The following ZFHX3 variants were observed in gnomAD, a reference collection of about 807,000 sequenced individuals.
The protein encoded by ZFHX3 is zinc finger homeobox protein 3.
ZFHX3 carries 42 observed loss-of-function variants against 279.1 expected under a neutral mutation model. The ratio of observed to expected loss-of-function variants is 0.15; its 90% CI spans 0.12 to 0.19. ZFHX3 has a LOEUF of 0.19. Ranked by LOEUF, ZFHX3 falls within the 10% of genes least tolerant of loss-of-function variation. ZFHX3 has a pLI of 1.00. For synonymous variants in ZFHX3, 2,293 were observed against 1,957.8 expected (o/e 1.17, Z -4.52); for missense variants, 4,981 against 4,754.0 (o/e 1.05, Z -1.40).
At chr16:73,702,407 T>C (rs1483454600) in intron 1 of ZFHX3, among the ~76,000 whole-genome samples, 3 of 152,160 alleles carry the variant, frequency 2.0e-5, no homozygotes, top group Admixed American at 1.3e-4. Context: ...GTTTCAGAAC[T>C]GTGATGAGTG....
At position 72,798,188 on chromosome 16, in the gene ZFHX3, G is replaced by A; in HGVS notation, c.4494C>T (p.Asp1498=). 1 of 1,614,162 alleles carries A rather than the reference G, an allele frequency of 6.2e-7. No homozygotes were observed. The highest frequency in any genetic ancestry group is 8.5e-7 in the Non-Finnish European group (1 of 1,180,040). The change falls in exon 9 of 10, where the codon GAC becomes GAT. Residue 1498 remains aspartate (D), a synonymous_variant. Transcript: ENST00000268489. The part of the protein sequence containing the change: ...IVEEDKEEES[D]LEDKQSPTGS... ...CCGTTGGGCTCTGTTTATCTTCCAA[G>A]TCACTCTCTTCCTCCTTGTCTTCCT...
In ZFHX3 at chr16:72,787,443, G is replaced by T. The variant is rs754128166; in HGVS notation, c.10833C>A (p.His3611Gln). 1.9e-6 allele frequency: 3 copies of T among 1,604,566 alleles called. No individual in the cohort carries two copies. Among genetic ancestry groups the T allele is most frequent in the Non-Finnish European group, 2.6e-6 (3 of 1,174,114 alleles). The change falls in exon 10 of 10, where the codon CAC becomes CAA. Residue 3611 changes from histidine (H) to glutamine (Q), a missense_variant. By Grantham distance (24) the His-to-Gln change is conservative. This residue lies in a region of ZFHX3 where 1,034 missense variants were observed against 786.0 expected (regional missense o/e 1.32). Coordinates refer to ENST00000268489, the MANE Select transcript of ZFHX3 (RefSeq NM_006885.4). The part of the protein sequence containing the change: ...SAAAPSSASP[H>Q]ASRKSWPQVV... ...CTTGCGGCCAAGACTTCCTGGAGGC[G>T]TGGGGGGAAGCGGAGGAGGGGGCGG...
intron 2 of ZFHX3, among the ~76,000 whole-genome samples, chr16:73,473,339 C>CAAAAAAAAAAAAAAAAAACAAAAAAAAAA (rs2018704451): frequency 1.3e-5 from 1 of 76,658 alleles, no homozygotes; most frequent in Non-Finnish European, 2.3e-5. Flanking sequence ...TGTCTCAAAG[C>CAAAAAAAAAAAAAAAAAACAAAAAAAAAA]AAAAAAAAAA....
Position 73,125,141 on chromosome 16 carries a change from A to G in ZFHX3, c.-897+5827T>C, listed in dbSNP as rs190597177. The G allele has an allele frequency of 4.7e-5, 7 of 150,178 alleles. No homozygotes were observed. The East Asian group carries it at 1.4e-3, about 29-fold the overall frequency. The allele number at this position is 150,178 out of a possible 1,614,324, so 9.3% of individuals were successfully genotyped here. A position where few individuals can be genotyped will look rare whatever the true frequency, so the allele number is the denominator to read the frequency against. On this transcript the variant is annotated intron_variant, in intron 7 of 17. Coordinates refer to the ZFHX3 transcript ENST00000641206. ...GCACCCAGTCACTGTTTGCTGTAAT[A>G]TTATTATATTATCGGAAGAAACCAA...
intron 4 of ZFHX3, among the ~76,000 whole-genome samples, chr16:72,885,258 A>G (rs1013583145): frequency 2.0e-5 from 3 of 152,256 alleles, no homozygotes; most frequent in Non-Finnish European, 4.4e-5. Flanking sequence ...AAGCCTAACT[A>G]TTAGCACACA....
At chr16:73,784,792 A>AT (rs1317955251) in intron 1 of ZFHX3, among the ~76,000 whole-genome samples, 30 of 115,582 alleles carry the variant, frequency 2.6e-4, no homozygotes, top group East Asian at 8.7e-4. Flanking sequence ...AAAATAAAAA[A>AT]AAAAATATAT....
intron 3 of ZFHX3, among the ~76,000 whole-genome samples, chr16:73,374,590 A>C (rs2016689987): frequency 6.6e-6 from 1 of 152,258 alleles, no homozygotes; most frequent in South Asian, 2.1e-4. Context: ...GGCAATATTC[A>C]AATTTCTCTG....
intron 1 of ZFHX3, among the ~76,000 whole-genome samples, chr16:73,891,485 G>A (rs1465532869): frequency 6.6e-6 from 1 of 152,080 alleles, no homozygotes; most frequent in Non-Finnish European, 1.5e-5. Context: ...AACAGCTACT[G>A]AGAAGGAAGG....
At chr16:73,547,544 G>T (rs114762125) in intron 2 of ZFHX3, among the ~76,000 whole-genome samples, 228 of 152,242 alleles carry the variant, frequency 1.5e-3, no homozygotes, top group African/African-American at 5.2e-3. Flanking sequence ...CTAGAACTAG[G>T]TTTCAACCAT....
intron 9 of ZFHX3, among the ~76,000 whole-genome samples, chr16:72,792,156 A>G (rs577536273): frequency 9.2e-5 from 14 of 152,306 alleles, no homozygotes; most frequent in South Asian, 6.2e-4. Context: ...AAGGAGAAAC[A>G]AGAGAAGTAT....
chr16:73,245,221 A>C (rs1197811064), intron 5 of ZFHX3, among the ~76,000 whole-genome samples: 1 of 152,196 alleles, frequency 6.6e-6, no homozygotes, highest in African/African-American at 2.4e-5. Context: ...AAGCTCCTTG[A>C]GGAAAGGAAC....
intron 3 of ZFHX3, among the ~76,000 whole-genome samples, chr16:72,928,414 A>G (rs1959606876): frequency 6.6e-6 from 1 of 151,838 alleles, no homozygotes; most frequent in South Asian, 2.1e-4. Context: ...ATTTGAATAC[A>G]TGCAAAAGCG....
At chr16:73,844,814 G>A (rs1301053890) in intron 1 of ZFHX3, among the ~76,000 whole-genome samples, 1 of 151,602 alleles carries the variant, frequency 6.6e-6, no homozygotes, top group Non-Finnish European at 1.5e-5. Context: ...AGATCAATGG[G>A]TAGACAGATG....
At chr16:73,176,505 A>G (rs1461386770) in intron 5 of ZFHX3, among the ~76,000 whole-genome samples, 3 of 152,138 alleles carry the variant, frequency 2.0e-5, no homozygotes, top group Non-Finnish European at 4.4e-5. Flanking sequence ...ACCTGTCCTC[A>G]TGCATCTCTC....
At chr16:73,630,374 T>A (rs1179326265) in intron 2 of ZFHX3, among the ~76,000 whole-genome samples, 3 of 152,244 alleles carry the variant, frequency 2.0e-5, no homozygotes, top group Non-Finnish European at 4.4e-5. Flanking sequence ...TGTACATTGC[T>A]TTTCTAGAGC....
chr16:73,452,172 T>C (rs1310251376), intron 3 of ZFHX3, among the ~76,000 whole-genome samples: 2 of 152,232 alleles, frequency 1.3e-5, no homozygotes, highest in East Asian at 3.8e-4. Flanking sequence ...AGAATTAATG[T>C]GTCTGATTGA....
chr16:72,958,947 A>G lies in ZFHX3; in HGVS notation c.1199T>C (p.Leu400Pro). 1.3e-6 allele frequency: 2 copies of G among 1,598,868 alleles called. No homozygotes were observed. The highest frequency in any genetic ancestry group is 3.4e-4 in the Middle Eastern group (2 of 5,958). ...GCTGGTGAGCCCGCCAAGGTTCAAC[A>G]GGGTGCTGGGGGTCAAGAGACCAGC... ...PQAGLLTPST[L>P]LNLGGLTSSV... Residue 400 changes from leucine (L) to proline (P), a missense_variant, in exon 2 of 10, where the codon CTG becomes CCG. Physicochemically the swap from Leu to Pro is moderately conservative, Grantham distance 98. Coordinates refer to ENST00000268489, the MANE Select transcript of ZFHX3 (RefSeq NM_006885.4).
chr16:72,909,871 G>T (rs897003163), intron 3 of ZFHX3, among the ~76,000 whole-genome samples: 3 of 100,274 alleles, frequency 3.0e-5, no homozygotes, highest in African/African-American at 1.4e-4. Context: ...AAGTGACACC[G>T]TGTCTCAAAA....
At chr16:73,605,874 C>T (rs766957023) in intron 2 of ZFHX3, among the ~76,000 whole-genome samples, 1 of 151,882 alleles carries the variant, frequency 6.6e-6, no homozygotes, top group Non-Finnish European at 1.5e-5. Context: ...GTTTTTTCTT[C>T]ACAGGGCCAT....
Sources: gnomAD v4.1 joint callset for allele counts (sites outside exome capture counted in the v4.1 genomes callset) on GRCh38, gnomAD v4.1.1 for gene constraint, gnomAD v4.1.1 regional missense constraint, MANE v1.5 for transcripts, NCBI Gene and HGNC (gene_info 2026-07-23, HGNC 2026-07-21) for gene names.